Variants in CEMIP observed in about 807,000 individuals in gnomAD.
The protein encoded by CEMIP is cell migration-inducing and hyaluronan-binding protein.
Under a neutral mutation model 156.9 loss-of-function variants are expected in CEMIP, and 105 were observed. The ratio of observed to expected loss-of-function variants is 0.67; its 90% confidence interval spans 0.57 to 0.79. The LOEUF is 0.79. Among genes scored for constraint, CEMIP ranks in the 30% least tolerant of loss-of-function variants. The pLI is 0.00. For synonymous variants in CEMIP, 676 were observed against 668.4 expected (o/e 1.01, Z -0.17); for missense variants, 1,457 against 1,769.4 (o/e 0.82, Z 3.17).
Position 80,949,134 on chromosome 15 carries a change from G to A in CEMIP, c.*210G>A. On this transcript the variant is annotated 3_prime_UTR_variant, in exon 30 of 30. Transcript: ENST00000394685. ...GTGTCTACCTGGAGCCCCTGGGGCG[G>A]TGCTGGCCAATGCTGGAAACATTCA... 1 of 651,386 alleles carries A rather than the reference G, an allele frequency of 1.5e-6. No homozygotes were observed. The highest frequency in any genetic ancestry group is 2.7e-6 in the Non-Finnish European group (1 of 370,244). The allele number at this position is 651,386 out of a possible 1,614,324, so 40.4% of individuals were successfully genotyped here. A position where few individuals can be genotyped will look rare whatever the true frequency, so the allele number is the denominator to read the frequency against.
At chr15:80,922,352 T>G (rs766991115) in intron 17 of CEMIP, among the ~76,000 whole-genome samples, 1 of 152,226 alleles carries the variant, frequency 6.6e-6, no homozygotes, top group Non-Finnish European at 1.5e-5. Context: ...TGCACGGGCA[T>G]GGACTGAGAA....
intron 1 of CEMIP, among the ~76,000 whole-genome samples, chr15:80,815,053 T>C (rs1355351976): frequency 1.3e-5 from 2 of 152,210 alleles, no homozygotes; most frequent in Non-Finnish European, 2.9e-5. Flanking sequence ...AGAGGGTCTT[T>C]CAAAGGAGAT....
At chr15:80,931,835 C>T (rs1166810077) in intron 21 of CEMIP, 24 bp from the exon 22 acceptor site, 1 of 1,607,678 alleles carries the variant, frequency 6.2e-7, no homozygotes, top group South Asian at 1.1e-5. Flanking sequence ...TTTAGACTGA[C>T]ATCTTACTTC....
chr15:80,839,575 C>A (rs1489488479), intron 1 of CEMIP, among the ~76,000 whole-genome samples: 3 of 152,124 alleles, frequency 2.0e-5, no homozygotes, highest in Non-Finnish European at 2.9e-5. Flanking sequence ...AGCAACGGGG[C>A]CCTGTGCAGT....
At chr15:80,827,373 G>C (rs1361341977) in intron 1 of CEMIP, among the ~76,000 whole-genome samples, 1 of 152,170 alleles carries the variant, frequency 6.6e-6, no homozygotes, top group Admixed American at 6.5e-5. Flanking sequence ...TGCACAGCAT[G>C]TTAAACTTCC....
At chr15:80,861,724 G>A (rs761436600) in intron 1 of CEMIP, among the ~76,000 whole-genome samples, 1 of 152,186 alleles carries the variant, frequency 6.6e-6, no homozygotes, top group African/African-American at 2.4e-5. Context: ...CAGAAGAAAC[G>A]CCAAGCCAAC....
chr15:80,824,805 A>G lies in CEMIP; in HGVS notation c.-176+45191A>G, dbSNP rs1896993442. 2.6e-5 allele frequency among the ~76,000 whole-genome samples: 4 copies of G among 152,358 alleles called. No individual in the cohort carries two copies. The South Asian group carries it at 8.3e-4, about 32-fold the overall frequency. ...TTCTTCCCACCTCTTTGAACTAGGT[A>G]GGGTGGGTGCTTATGTTTCTGGTTC... is the stretch of plus-strand genomic sequence containing the variant. On this transcript the variant is annotated intron_variant, in intron 1 of 29. Coordinates refer to ENST00000394685, the MANE Select transcript of CEMIP (RefSeq NM_001293298.2).
chr15:80,896,348 G>C (rs143922728), intron 12 of CEMIP: 1 of 567,868 alleles, frequency 1.8e-6, no homozygotes, highest in Non-Finnish European at 3.3e-6. Flanking sequence ...TCTCACGGGG[G>C]AGATTGCAAA....
chr15:80,950,266 C>T lies in CEMIP; in HGVS notation c.*1342C>T, dbSNP rs1028077582. 6.6e-6 allele frequency: 1 copy of T among 152,344 alleles called. No individual in the cohort carries two copies. The highest frequency in any genetic ancestry group is 2.4e-5 in the African/African-American group (1 of 41,458). The allele number at this position is 152,344 out of a possible 1,614,324, so 9.4% of individuals were successfully genotyped here. A position where few individuals can be genotyped will look rare whatever the true frequency, so the allele number is the denominator to read the frequency against. On this transcript the variant is annotated 3_prime_UTR_variant, in exon 30 of 30. Transcript: ENST00000394685. ...GTGAGCCCCCAAGATGGGAAAGAAC[C>T]ACACAGCTAAGGGAGGGCCTGGGGA...
intron 14 of CEMIP, among the ~76,000 whole-genome samples, chr15:80,910,375 G>C (rs1051168836): frequency 1.3e-5 from 2 of 152,186 alleles, no homozygotes; most frequent in East Asian, 3.9e-4. Context: ...ACCCCAGGCC[G>C]GTGCCACTCC....
intron 17 of CEMIP, among the ~76,000 whole-genome samples, chr15:80,923,416 C>G (rs542001051): frequency 1.4e-4 from 22 of 152,068 alleles, no homozygotes; most frequent in Non-Finnish European, 2.9e-4. Flanking sequence ...TGTCGAGAAA[C>G]CCCTCACACG....
intron 12 of CEMIP, among the ~76,000 whole-genome samples, chr15:80,905,746 A>T (rs1392074724): frequency 6.6e-6 from 1 of 152,184 alleles, no homozygotes; most frequent in African/African-American, 2.4e-5. Flanking sequence ...AAGGAGCCCA[A>T]ATGAAGGAAG....
chr15:80,858,939 C>G (rs1567071775), intron 1 of CEMIP, among the ~76,000 whole-genome samples: 1 of 152,224 alleles, frequency 6.6e-6, no homozygotes, highest in Non-Finnish European at 1.5e-5. Context: ...CTTTCTCCAT[C>G]TCTAGGCTCC....
intron 4 of CEMIP, among the ~76,000 whole-genome samples, chr15:80,879,436 T>A (rs551303821): frequency 1.3e-5 from 2 of 152,338 alleles, no homozygotes; most frequent in East Asian, 3.9e-4. Context: ...TATGGGAGGA[T>A]GTGCATAGGT....
intron 25 of CEMIP, 95 bp from the exon 26 acceptor site, chr15:80,941,754 T>C: frequency 2.6e-6 from 3 of 1,161,162 alleles, no homozygotes; most frequent in East Asian, 2.3e-5. Context: ...GTCTACCTGC[T>C]ATGACCAGCT....
intron 1 of CEMIP, among the ~76,000 whole-genome samples, chr15:80,786,178 C>T (rs1052959442): frequency 1.3e-5 from 2 of 152,206 alleles, no homozygotes; most frequent in African/African-American, 4.8e-5. Flanking sequence ...TTTCGTTTTG[C>T]TTTTGGCAGT....
chr15:80,901,061 A>G (rs1369989897), intron 12 of CEMIP: 5 of 437,434 alleles, frequency 1.1e-5, no homozygotes, highest in African/African-American at 1.0e-4. Flanking sequence ...ATGATTACCA[A>G]CACCTCACAG....
chr15:80,946,674 C>T, intron 28 of CEMIP: 1 of 434,042 alleles, frequency 2.3e-6, no homozygotes, highest in South Asian at 2.1e-5. Flanking sequence ...TACATCCTCT[C>T]CTCTGTTTGG....
intron 6 of CEMIP, among the ~76,000 whole-genome samples, chr15:80,881,797 G>A (rs905999420): frequency 6.6e-6 from 1 of 152,226 alleles, no homozygotes; most frequent in African/African-American, 2.4e-5. Context: ...TTTTAATTGT[G>A]AGGCAAAAGC....
Sources: gnomAD v4.1 joint callset for allele counts (sites outside exome capture counted in the v4.1 genomes callset) on GRCh38, gnomAD v4.1.1 for gene constraint, MANE v1.5 for transcripts, NCBI Gene and HGNC (gene_info 2026-07-23, HGNC 2026-07-21) for gene names.